The following SLC8A3 variants were observed in gnomAD, a reference collection of about 807,000 sequenced individuals.
The protein encoded by SLC8A3 is sodium/calcium exchanger 3.
A neutral mutation model predicts 65.4 loss-of-function variants in SLC8A3; 37 were observed. The observed-to-expected ratio is 0.57, with a 90% CI of 0.44 to 0.74. The LOEUF (loss-of-function observed/expected upper bound fraction) is 0.74, where lower values mean the gene tolerates loss of function less well. Ranked by LOEUF, SLC8A3 falls within the 30% of genes least tolerant of loss-of-function variation. The pLI is 0.00. For missense variants in SLC8A3, 1,112 were observed against 1,172.1 expected (o/e 0.95, Z 0.75); for synonymous variants, 461 against 444.5 (o/e 1.04, Z -0.47).
chr14:70,060,158 A>G (rs1888619203), intron 3 of SLC8A3: 1 of 155,194 alleles, frequency 6.4e-6, no homozygotes, highest in Admixed American at 6.4e-5. Flanking sequence ...CGGTCTGCCC[A>G]ACTGTGAAAC....
intron 5 of SLC8A3, among the ~76,000 whole-genome samples, chr14:70,050,456 C>T (rs78629888): frequency 6.6e-6 from 1 of 152,092 alleles, no homozygotes; most frequent in African/African-American, 2.4e-5. Context: ...ACCAGCAGTC[C>T]CCTCAGGCTT....
chr14:70,113,528 T>C (rs1893453284), intron 2 of SLC8A3, among the ~76,000 whole-genome samples: 1 of 152,228 alleles, frequency 6.6e-6, no homozygotes, highest in Non-Finnish European at 1.5e-5. Flanking sequence ...CCAAGTGTAT[T>C]AGAGCTGAGA....
In SLC8A3 at chr14:70,107,047, G is replaced by A. The variant is rs141903565; in HGVS notation, c.1785-46108C>T. Among the ~76,000 whole-genome samples, 19 of 152,260 alleles carry A rather than the reference G, an allele frequency of 1.2e-4. 1 individual carries two copies. In the East Asian group the frequency reaches 3.7e-3, roughly 29 times the overall value. On this transcript the variant is annotated intron_variant, in intron 2 of 6. Coordinates refer to ENST00000356921, the MANE Select transcript of SLC8A3 (RefSeq NM_182932.3). ...TCAGGATCCCACAAGTGGTTTAGAG[G>A]GGTAAGAGTAACAAAGAACAGGTAG...
At position 70,164,424 on chromosome 14, in the gene SLC8A3, G is replaced by T. The variant is rs142301896; in HGVS notation, c.1784+2215C>A. Among the ~76,000 whole-genome samples the T allele has an allele frequency of 4.6e-5, 7 of 152,238 alleles. No homozygotes were observed. In the East Asian group the frequency reaches 1.4e-3, roughly 29 times the overall value. ...TCTAAAAAATAAATGAAAAGGGATGGATGGGAACATAGATTTGTTCACCAA... is the reference window on the plus strand; with the variant it reads ...TCTAAAAAATAAATGAAAAGGGATGTATGGGAACATAGATTTGTTCACCAA... On this transcript the variant is annotated intron_variant, in intron 2 of 6. Transcript: ENST00000356921.
At position 70,048,432 on chromosome 14, in the gene SLC8A3, G is replaced by C. The variant is rs201009268; in HGVS notation, c.2389+335C>G. The C allele has an allele frequency of 3.4e-4, 202 of 591,148 alleles. 2 individuals are homozygous for C. In the East Asian group the frequency reaches 4.7e-3, roughly 14 times the overall value. The allele number at this position is 591,148 out of a possible 1,614,324, so 36.6% of individuals were successfully genotyped here. On this transcript the variant is annotated intron_variant, in intron 6 of 6. Transcript: ENST00000356921. ...ATTGGACCACTTACTTGGGCATGTA[G>C]CTTAACCTCTGTGGGCCTCAGTTTC...
intron 2 of SLC8A3, among the ~76,000 whole-genome samples, chr14:70,115,412 A>C (rs1893590304): frequency 6.6e-6 from 1 of 152,220 alleles, no homozygotes; most frequent in Admixed American, 6.5e-5. Flanking sequence ...TGTAATGGTT[A>C]AAAGCCCAAA....
chr14:70,084,297 T>C (rs1379737777), intron 2 of SLC8A3, among the ~76,000 whole-genome samples: 1 of 152,218 alleles, frequency 6.6e-6, no homozygotes, highest in East Asian at 1.9e-4. Context: ...ACTTTCCTAT[T>C]TGCTTTCCTA....
chr14:70,091,226 T>C (rs944861994), intron 2 of SLC8A3, among the ~76,000 whole-genome samples: 13 of 152,216 alleles, frequency 8.5e-5, no homozygotes, highest in South Asian at 2.1e-4. Flanking sequence ...CATTTTATTA[T>C]GGGATTTAAT....
intron 1 of SLC8A3, among the ~76,000 whole-genome samples, chr14:70,182,211 C>T (rs1882810609): frequency 1.3e-5 from 2 of 152,100 alleles, no homozygotes; most frequent in Admixed American, 6.6e-5. Context: ...GGAGGAGAAG[C>T]TCCTAAGGAC....
chr14:70,166,559 G>T, intron 2 of SLC8A3, 80 bp downstream of exon 2: 1 of 825,920 alleles, frequency 1.2e-6, no homozygotes. Context: ...AGGAAATGTT[G>T]TAAAGTGCAG....
Position 70,044,382 on chromosome 14 carries a change from C to CG in SLC8A3, c.*1564_*1565insC, listed in dbSNP as rs1422808121. 7.3e-6 allele frequency: 1 copy of CG among 136,066 alleles called. No homozygotes were observed. The highest frequency in any genetic ancestry group is 2.6e-5 in the African/African-American group (1 of 37,856). The allele number at this position is 136,066 out of a possible 1,614,324, so 8.4% of individuals were successfully genotyped here. A position where few individuals can be genotyped will look rare whatever the true frequency, so the allele number is the denominator to read the frequency against. On this transcript the variant is annotated 3_prime_UTR_variant, in exon 7 of 7. Transcript: ENST00000356921. ...ACAGGTGTTTTTTAATTTCTTCCCC[C>CG]CCCCCCTTAGAAAATGTATTTATGT...
At chr14:70,116,166 CG>C (rs1428092935) in intron 2 of SLC8A3, among the ~76,000 whole-genome samples, 13 of 152,196 alleles carry the variant, frequency 8.5e-5, no homozygotes, top group Admixed American at 3.3e-4. Flanking sequence ...TAGCCTGGGC[CG>C]GGGTGGCTGG....
chr14:70,172,729 C>G (rs1191777929), intron 1 of SLC8A3, among the ~76,000 whole-genome samples: 1 of 150,934 alleles, frequency 6.6e-6, no homozygotes, highest in East Asian at 1.9e-4. Context: ...AAGGTACAAT[C>G]TAGCAGAAGT....
chr14:70,070,568 A>C (rs1889919134), intron 2 of SLC8A3, among the ~76,000 whole-genome samples: 1 of 152,192 alleles, frequency 6.6e-6, no homozygotes, highest in Non-Finnish European at 1.5e-5. Flanking sequence ...ACTTACTCCA[A>C]ATGGTTCTGG....
Position 70,155,029 on chromosome 14 carries a change from C to T in SLC8A3, c.1784+11610G>A, listed in dbSNP as rs541700065. ...CTGCCTCCCAGGTTCAAGCGATTCT[C>T]CTGCCTCAGCCTCTTAAGTAGCTAG... On this transcript the variant is annotated intron_variant, in intron 2 of 6. Transcript: ENST00000356921. Among the ~76,000 whole-genome samples, 3 of 151,010 alleles carry T rather than the reference C, an allele frequency of 2.0e-5. No individual in the cohort carries two copies. The Admixed American group carries it at 2.0e-4, about 10-fold the overall frequency.
intron 2 of SLC8A3, among the ~76,000 whole-genome samples, chr14:70,152,628 C>A (rs554171649): frequency 6.6e-5 from 10 of 152,234 alleles, no homozygotes; most frequent in African/African-American, 2.2e-4. Flanking sequence ...CTCCTACACA[C>A]CCAAGAAAAA....
chr14:70,122,212 C>T (rs912779112), intron 2 of SLC8A3, among the ~76,000 whole-genome samples: 2 of 152,140 alleles, frequency 1.3e-5, no homozygotes, highest in African/African-American at 2.4e-5. Flanking sequence ...ACCTTAGAAT[C>T]GTTTATTGCT....
At chr14:70,063,199 A>G (rs1889017083) in intron 2 of SLC8A3, among the ~76,000 whole-genome samples, 1 of 152,234 alleles carries the variant, frequency 6.6e-6, no homozygotes, top group Non-Finnish European at 1.5e-5. Flanking sequence ...TATTTGACCT[A>G]GATCTGGAAC....
intron 2 of SLC8A3, among the ~76,000 whole-genome samples, chr14:70,066,449 C>T (rs1889433024): frequency 6.6e-6 from 1 of 151,658 alleles, no homozygotes; most frequent in South Asian, 2.1e-4. Context: ...CACTCTCAGG[C>T]CTCCCTCTCT....
Sources: allele counts gnomAD v4.1 joint callset (sites outside exome capture counted in the v4.1 genomes callset), GRCh38; gene constraint gnomAD v4.1.1; transcripts MANE v1.5; gene names NCBI Gene and HGNC (gene_info 2026-07-23, HGNC 2026-07-21).